The following ARMH4 variants were observed in gnomAD, a reference collection of about 807,000 sequenced individuals.
ARMH4 encodes armadillo-like helical domain-containing protein 4.
A neutral mutation model predicts 61.9 loss-of-function variants in ARMH4; 49 were observed. That is an observed-to-expected ratio of 0.79 (90% CI 0.63 to 1.00). The LOEUF is 1.00. ARMH4 is among the 50% of genes least tolerant of loss of function. ARMH4 has a pLI of 0.00. For synonymous variants in ARMH4, 368 were observed against 341.5 expected (o/e 1.08, Z -0.85); for missense variants, 934 against 930.0 (o/e 1.00, Z -0.06).
At chr14:58,124,416 G>T (rs187301189) in intron 4 of ARMH4, among the ~76,000 whole-genome samples, 1 of 152,188 alleles carries the variant, frequency 6.6e-6, no homozygotes, top group South Asian at 2.1e-4. Flanking sequence ...CATTGTTTAC[G>T]GGTAGTAGCG....
At chr14:58,113,744 CT>C (rs1261901533) in intron 4 of ARMH4, among the ~76,000 whole-genome samples, 1 of 151,980 alleles carries the variant, frequency 6.6e-6, no homozygotes, top group African/African-American at 2.4e-5. Context: ...TCAAATTGAT[CT>C]TCCAGTTCAT....
chr14:58,058,697 G>A (rs1224973025), intron 5 of ARMH4, among the ~76,000 whole-genome samples: 1 of 152,198 alleles, frequency 6.6e-6, no homozygotes, highest in Non-Finnish European at 1.5e-5. Context: ...GGCCATCTTG[G>A]TTTTGGTGGG....
rs187826825 is a variant in ARMH4, at chr14:58,049,100, G to A, written c.2090-36950C>T. On this transcript the variant is annotated intron_variant, in intron 5 of 7. Coordinates refer to ENST00000267485, the MANE Select transcript of ARMH4 (RefSeq NM_001001872.4). ...AAAACACAAAAAAAATTAGCCAGGC[G>A]TGGTGGCGGGCACCTGTAGTCCCAG... Among the ~76,000 whole-genome samples the A allele has an allele frequency of 7.2e-3, 1,091 of 151,988 alleles. 11 individuals carry two copies. The highest frequency in any genetic ancestry group is 0.025 in the African/African-American group (1,032 of 41,468).
chr14:58,032,229 G>A (rs986551608), intron 5 of ARMH4, among the ~76,000 whole-genome samples: 1 of 152,110 alleles, frequency 6.6e-6, no homozygotes, highest in Non-Finnish European at 1.5e-5. Flanking sequence ...CACCAGAGAA[G>A]GCCTGGCATG....
intron 5 of ARMH4, among the ~76,000 whole-genome samples, chr14:58,039,148 C>T (rs1883595074): frequency 6.6e-6 from 1 of 152,238 alleles, no homozygotes; most frequent in South Asian, 2.1e-4. Context: ...CTCCAGAACT[C>T]ACAAGCAGCC....
In ARMH4 at chr14:58,012,226, A is replaced by T. The variant is rs973482803; in HGVS notation, c.2090-76T>A. On this transcript the variant is annotated intron_variant, in intron 5 of 7. Coordinates refer to ENST00000267485, the MANE Select transcript of ARMH4 (RefSeq NM_001001872.4). ...TTCATGGCATTAAGTTAATTTGACA[A>T]ATTAAAGAGTTTTTTGTATTAAATA... The T allele has an allele frequency of 3.4e-6, 3 of 872,816 alleles. No individual in the cohort carries two copies. In the Admixed American group the frequency reaches 8.7e-5, roughly 25 times the overall value. The allele number at this position is 872,816 out of a possible 1,614,324, so 54.1% of individuals were successfully genotyped here.
intron 4 of ARMH4, chr14:58,101,043 G>A: frequency 5.6e-6 from 1 of 178,094 alleles, no homozygotes; most frequent in Non-Finnish European, 1.2e-5. Context: ...TGCCGCCTGT[G>A]TAGTGGGCAC....
chr14:58,010,691 G>T (rs1882376242), intron 6 of ARMH4, among the ~76,000 whole-genome samples: 1 of 151,888 alleles, frequency 6.6e-6, no homozygotes, highest in African/African-American at 2.4e-5. Flanking sequence ...AGAATAAAGG[G>T]TTCATAGGAA....
intron 4 of ARMH4, among the ~76,000 whole-genome samples, chr14:58,128,556 TA>T (rs1156434082): frequency 6.6e-6 from 1 of 151,886 alleles, no homozygotes; most frequent in Non-Finnish European, 1.5e-5. Flanking sequence ...AGGTGAAAAA[TA>T]AACCATTATC....
intron 3 of ARMH4, among the ~76,000 whole-genome samples, chr14:58,132,821 G>A (rs1345814510): frequency 1.3e-5 from 2 of 151,790 alleles, no homozygotes; most frequent in Non-Finnish European, 2.9e-5. Context: ...TCCTGACTTC[G>A]TGATCCACCC....
intron 5 of ARMH4, among the ~76,000 whole-genome samples, chr14:58,044,915 C>G (rs1217796964): frequency 6.6e-6 from 1 of 152,126 alleles, no homozygotes; most frequent in Non-Finnish European, 1.5e-5. Flanking sequence ...CAATGAGATA[C>G]CATCTCACAC....
intron 5 of ARMH4, among the ~76,000 whole-genome samples, chr14:58,070,019 G>A (rs374658356): frequency 1.2e-3 from 186 of 152,300 alleles, no homozygotes; most frequent in African/African-American, 4.4e-3. Flanking sequence ...ACATGATGCT[G>A]GCTGAAGGCA....
intron 4 of ARMH4, among the ~76,000 whole-genome samples, chr14:58,098,096 T>G (rs1392385372): frequency 3.9e-5 from 6 of 152,118 alleles, no homozygotes; most frequent in African/African-American, 1.2e-4. Flanking sequence ...CAACAGGTAA[T>G]TCTCCTCCTA....
At position 58,007,706 on chromosome 14, in the gene ARMH4, A is replaced by ACACAGTTTT. The variant is rs796516395; in HGVS notation, c.2122-2533_2122-2525dup. 1.3e-4 allele frequency among the ~76,000 whole-genome samples: 20 copies of ACACAGTTTT among 152,380 alleles called. 1 individual carries two copies. The highest frequency in any genetic ancestry group is 4.8e-4 in the African/African-American group (20 of 41,596). On this transcript the variant is annotated intron_variant, in intron 6 of 7. Coordinates refer to ENST00000267485, the MANE Select transcript of ARMH4 (RefSeq NM_001001872.4). ...AATGAAAATAAATAAGACAACATGC[A>ACACAGTTTT]CACAGTTTTAAGTTATAAATTCTGC...
intron 6 of ARMH4, among the ~76,000 whole-genome samples, chr14:58,011,307 T>A (rs988254900): frequency 2.6e-5 from 4 of 152,182 alleles, no homozygotes; most frequent in Non-Finnish European, 5.9e-5. Flanking sequence ...ATATTAATAA[T>A]TCAAATATGA....
At chr14:58,087,686 T>C (rs1427279564) in intron 5 of ARMH4, among the ~76,000 whole-genome samples, 1 of 152,146 alleles carries the variant, frequency 6.6e-6, no homozygotes, top group Non-Finnish European at 1.5e-5. Context: ...CCTGAGATTT[T>C]TGGTGTGAAA....
intron 4 of ARMH4, among the ~76,000 whole-genome samples, chr14:58,105,875 C>T (rs535019870): frequency 6.6e-6 from 1 of 152,082 alleles, no homozygotes; most frequent in Non-Finnish European, 1.5e-5. Context: ...CTGAAAAGTT[C>T]CTTCTAGTCA....
intron 4 of ARMH4, among the ~76,000 whole-genome samples, chr14:58,119,321 A>G (rs1886641361): frequency 6.6e-6 from 1 of 152,242 alleles, no homozygotes; most frequent in African/African-American, 2.4e-5. Context: ...CTGTCCACAC[A>G]TTATTCTATA....
intron 4 of ARMH4, among the ~76,000 whole-genome samples, chr14:58,112,020 G>A (rs994969914): frequency 2.0e-5 from 3 of 152,108 alleles, no homozygotes; most frequent in Non-Finnish European, 2.9e-5. Context: ...AAGGACACCA[G>A]TCCTATTGGA....
Sources: gnomAD v4.1 joint callset for allele counts (sites outside exome capture counted in the v4.1 genomes callset) on GRCh38, gnomAD v4.1.1 for gene constraint, MANE v1.5 for transcripts, NCBI Gene and HGNC (gene_info 2026-07-23, HGNC 2026-07-21) for gene names.